FSTL5: variants seen among roughly 807,000 people sequenced by gnomAD.
The protein encoded by FSTL5 is follistatin-related protein 5.
FSTL5 carries 62 observed loss-of-function variants against 89.1 expected under a neutral mutation model. The ratio of observed to expected loss-of-function variants is 0.70; its 90% CI spans 0.57 to 0.86. FSTL5 has a LOEUF of 0.86. FSTL5 is among the 40% of genes least tolerant of loss of function. The pLI, the probability that FSTL5 is intolerant of heterozygous loss-of-function variation, is 0.00. For synonymous variants in FSTL5, 383 were observed against 346.2 expected (o/e 1.11, Z -1.18); for missense variants, 1,057 against 1,001.6 (o/e 1.06, Z -0.75).
intron 5 of FSTL5, among the ~76,000 whole-genome samples, chr4:161,769,920 C>T (rs1213191946): frequency 6.6e-6 from 1 of 151,074 alleles, no homozygotes; most frequent in Admixed American, 6.6e-5. Flanking sequence ...AAAGACTCCA[C>T]CAAAAAAACT....
chr4:161,410,374 A>T (rs1454538433), intron 15 of FSTL5, among the ~76,000 whole-genome samples: 1 of 152,186 alleles, frequency 6.6e-6, no homozygotes, highest in Non-Finnish European at 1.5e-5. Flanking sequence ...GACCAACTGG[A>T]CCTTGTCAAC....
chr4:161,992,952 CTATATATATATGTGTGTATATA>C (rs1736178315), intron 3 of FSTL5, among the ~76,000 whole-genome samples: 22 of 7,452 alleles, frequency 3.0e-3, no homozygotes, highest in Middle Eastern at 0.083. Context: ...GTGTGTATAT[CTATATATATATGTGTGTATATA>C]TATATATGCA....
intron 15 of FSTL5, among the ~76,000 whole-genome samples, chr4:161,398,784 CAT>C (rs1731085143): frequency 6.6e-6 from 1 of 152,044 alleles, no homozygotes; most frequent in Non-Finnish European, 1.5e-5. Flanking sequence ...GGTTATTCCA[CAT>C]ATGTCTGCCC....
chr4:161,483,081 C>T (rs7687425), intron 12 of FSTL5, among the ~76,000 whole-genome samples: 111,719 of 152,096 alleles, frequency 0.73, 41,316 homozygotes, highest in East Asian at 0.92. Flanking sequence ...CTTAAGGAGG[C>T]AGCCCAAAGG....
intron 14 of FSTL5, among the ~76,000 whole-genome samples, chr4:161,458,366 A>T (rs1733438799): frequency 6.6e-6 from 1 of 152,238 alleles, no homozygotes; most frequent in South Asian, 2.1e-4. Flanking sequence ...ATCCATCATT[A>T]TGCTAGCTAT....
At chr4:161,787,137 A>G (rs1329014203) in intron 4 of FSTL5, among the ~76,000 whole-genome samples, 1 of 152,122 alleles carries the variant, frequency 6.6e-6, no homozygotes, top group Non-Finnish European at 1.5e-5. Context: ...TTCAGTTTCT[A>G]ATGTTGATAT....
chr4:161,886,811 T>C (rs1157842379), intron 4 of FSTL5, among the ~76,000 whole-genome samples: 1 of 152,184 alleles, frequency 6.6e-6, no homozygotes, highest in African/African-American at 2.4e-5. Context: ...TTTTAGAAAA[T>C]GCACATGCTA....
At chr4:161,450,379 A>T in intron 15 of FSTL5, among the ~76,000 whole-genome samples, 1 of 152,014 alleles carries the variant, frequency 6.6e-6, no homozygotes, top group African/African-American at 2.4e-5. Context: ...AAAATAAAAC[A>T]ATTGATTATG....
At chr4:162,077,722 A>G in intron 2 of FSTL5, among the ~76,000 whole-genome samples, 1 of 151,876 alleles carries the variant, frequency 6.6e-6, no homozygotes, top group East Asian at 1.9e-4. Flanking sequence ...TATAGGTGTA[A>G]TTATGAGCAT....
At chr4:161,419,721 C>G (rs1197926696) in intron 15 of FSTL5, among the ~76,000 whole-genome samples, 2 of 152,170 alleles carry the variant, frequency 1.3e-5, no homozygotes, top group African/African-American at 4.8e-5. Context: ...AAACTCATCT[C>G]CTAACTATAA....
intron 4 of FSTL5, among the ~76,000 whole-genome samples, chr4:161,829,925 C>A (rs1427045683): frequency 6.6e-6 from 1 of 152,022 alleles, no homozygotes; most frequent in African/African-American, 2.4e-5. Context: ...AAGGAAAGAG[C>A]AACCCTTAAG....
intron 6 of FSTL5, among the ~76,000 whole-genome samples, chr4:161,729,630 G>A (rs987364301): frequency 5.3e-5 from 8 of 152,122 alleles, no homozygotes; most frequent in Non-Finnish European, 8.8e-5. Context: ...AAGCAAAAAC[G>A]ATACTGAATT....
chr4:161,812,354 AG>A (rs1026684104), intron 4 of FSTL5, among the ~76,000 whole-genome samples: 10 of 152,338 alleles, frequency 6.6e-5, no homozygotes, highest in African/African-American at 2.4e-4. Flanking sequence ...TCCCTGTGCA[AG>A]TACAGTCCCC....
chr4:162,124,738 C>T (rs534008707), intron 1 of FSTL5, among the ~76,000 whole-genome samples: 81 of 152,072 alleles, frequency 5.3e-4, no homozygotes, highest in African/African-American at 1.9e-3. Context: ...CTCGCTCTGT[C>T]GCCCAGGCTG....
chr4:162,043,983 G>A (rs1236177275), intron 2 of FSTL5, among the ~76,000 whole-genome samples: 2 of 152,106 alleles, frequency 1.3e-5, no homozygotes, highest in Non-Finnish European at 2.9e-5. Context: ...GGAATCATGG[G>A]AAGTAATCTA....
rs527715857 is a variant in FSTL5, at chr4:161,901,129, G to A, written c.409+19275C>T. Among the ~76,000 whole-genome samples the A allele has an allele frequency of 3.3e-5, 5 of 151,286 alleles. No homozygotes were observed. The South Asian group carries it at 1.0e-3, about 32-fold the overall frequency. On this transcript the variant is annotated intron_variant, in intron 4 of 15. Transcript: ENST00000306100. Reference sequence around the variant, plus strand: ...CTGCCACCGCAATTCCAGATGCTGAGCTATAACAACAATGTCCTTGCCCTT... The same window carrying A: ...CTGCCACCGCAATTCCAGATGCTGAACTATAACAACAATGTCCTTGCCCTT...
chr4:161,504,155 A>G (rs1208742377), intron 11 of FSTL5, among the ~76,000 whole-genome samples: 1 of 151,914 alleles, frequency 6.6e-6, no homozygotes, highest in Non-Finnish European at 1.5e-5. Context: ...TTATGGCTCC[A>G]TGTAATGGGT....
chr4:161,883,797 A>G (rs185131411), intron 4 of FSTL5, among the ~76,000 whole-genome samples: 1 of 152,160 alleles, frequency 6.6e-6, no homozygotes, highest in African/African-American at 2.4e-5. Context: ...TCATCTAATG[A>G]TGTTACCGGC....
chr4:161,805,800 T>A (rs1729946878), intron 4 of FSTL5, among the ~76,000 whole-genome samples: 1 of 152,098 alleles, frequency 6.6e-6, no homozygotes, highest in African/African-American at 2.4e-5. Context: ...CCATTTACAG[T>A]ATACAATTAT....
Sources: allele counts gnomAD v4.1 joint callset (sites outside exome capture counted in the v4.1 genomes callset), GRCh38; gene constraint gnomAD v4.1.1; transcripts MANE v1.5; gene names NCBI Gene and HGNC (gene_info 2026-07-23, HGNC 2026-07-21).